Variants in PRKAG2 observed in about 807,000 individuals in gnomAD.
PRKAG2 encodes the protein 5'-AMP-activated protein kinase subunit gamma-2.
In PRKAG2, 26 loss-of-function variants were observed where a neutral mutation model predicts 69.6. The ratio of observed to expected loss-of-function variants is 0.37; its 90% CI spans 0.27 to 0.52. The LOEUF (loss-of-function observed/expected upper bound fraction) is 0.52. PRKAG2 is among the 20% of genes least tolerant of loss of function. PRKAG2 has a pLI of 0.90. For synonymous variants in PRKAG2, 293 were observed against 285.0 expected (o/e 1.03, Z -0.28); for missense variants, 557 against 740.0 (o/e 0.75, Z 2.87).
chr7:151,799,707 G>A (rs1461390231), intron 1 of PRKAG2, among the ~76,000 whole-genome samples: 8 of 152,182 alleles, frequency 5.3e-5, no homozygotes, highest in South Asian at 2.1e-4. Flanking sequence ...AGATGCCACC[G>A]GCCAGCATCT....
intron 4 of PRKAG2, among the ~76,000 whole-genome samples, chr7:151,656,736 ATGT>A (rs1367608132): frequency 6.6e-6 from 1 of 152,170 alleles, no homozygotes; most frequent in African/African-American, 2.4e-5. Flanking sequence ...TTCTCTTTTG[ATGT>A]TGTTGTTTCC....
chr7:151,856,734 C>T (rs778458997), intron 1 of PRKAG2, among the ~76,000 whole-genome samples: 3 of 152,154 alleles, frequency 2.0e-5, no homozygotes, highest in Non-Finnish European at 4.4e-5. Flanking sequence ...CACACGGTCA[C>T]GGCGTCCCCA....
chr7:151,804,958 A>G (rs371108854), intron 1 of PRKAG2, among the ~76,000 whole-genome samples: 78 of 152,288 alleles, frequency 5.1e-4, no homozygotes, highest in African/African-American at 1.7e-3. Context: ...CAAAGTCTGA[A>G]AGCCGCTGCG....
At chr7:151,681,045 T>C (rs1833810758) in intron 3 of PRKAG2, among the ~76,000 whole-genome samples, 1 of 152,018 alleles carries the variant, frequency 6.6e-6, no homozygotes, top group African/African-American at 2.4e-5. Context: ...ACCAAGCCCC[T>C]CCCCACCCCC....
chr7:151,875,967 A>T (rs1395670599), intron 1 of PRKAG2, among the ~76,000 whole-genome samples: 3 of 151,890 alleles, frequency 2.0e-5, no homozygotes, highest in Non-Finnish European at 4.4e-5. Context: ...CTCCAGGCCC[A>T]GAAACGCCCG....
intron 6 of PRKAG2, among the ~76,000 whole-genome samples, chr7:151,586,299 A>G (rs1811649302): frequency 1.3e-5 from 2 of 150,374 alleles, no homozygotes; most frequent in Admixed American, 1.3e-4. Context: ...TCTACGCAAC[A>G]GCCACAAAAG....
intron 3 of PRKAG2, among the ~76,000 whole-genome samples, chr7:151,731,068 C>T (rs1208839820): frequency 2.6e-5 from 4 of 152,194 alleles, no homozygotes; most frequent in African/African-American, 9.7e-5. Context: ...TTAATTACTG[C>T]CCTGTAATTG....
rs148202255 is a variant in PRKAG2 at position 151,743,789 on chromosome 7, G to A, written c.466+37363C>T. Among the ~76,000 whole-genome samples, 1,430 of 152,284 alleles carry A rather than the reference G, an allele frequency of 9.4e-3. 25 individuals are homozygous for A. The highest frequency in any genetic ancestry group is 0.033 in the African/African-American group (1,354 of 41,554). On this transcript the variant is annotated intron_variant, in intron 3 of 15. Coordinates refer to ENST00000287878, the MANE Select transcript of PRKAG2 (RefSeq NM_016203.4). ...GCAGCATGTCCTGTTCCTGGAGGAC[G>A]CTTTTGTGGCTGTTCTGGAGCCAGG...
chr7:151,755,366 G>A (rs886825433), intron 3 of PRKAG2, among the ~76,000 whole-genome samples: 1 of 152,140 alleles, frequency 6.6e-6, no homozygotes, highest in African/African-American at 2.4e-5. Flanking sequence ...GTTTCAGGCA[G>A]AGGGCCTAGG....
intron 5 of PRKAG2, among the ~76,000 whole-genome samples, chr7:151,595,960 AG>A (rs1814400530): frequency 6.6e-6 from 1 of 152,172 alleles, no homozygotes; most frequent in Non-Finnish European, 1.5e-5. Context: ...ACTTGAGCCC[AG>A]GAGTTCGAGA....
chr7:151,738,550 C>T (rs1319967899), intron 3 of PRKAG2, among the ~76,000 whole-genome samples: 1 of 152,284 alleles, frequency 6.6e-6, no homozygotes, highest in East Asian at 1.9e-4. Context: ...CTGGCCTGCC[C>T]AGGGCGGAAA....
In PRKAG2 at chr7:151,814,634, C is replaced by T; in HGVS notation, c.115-28093G>A. 1.6e-6 allele frequency: 2 copies of T among 1,231,824 alleles called. No individual in the cohort carries two copies. Among genetic ancestry groups the T allele is most frequent in the Non-Finnish European group, 2.0e-6 (2 of 988,018 alleles). 76.3% of individuals were successfully genotyped at this position (1,231,824 alleles called of 1,614,324 possible). ...GTTCGGCTGTGCTCCGAGCTGCTGC[C>T]ACTGCATGTCTGCAACAGATGGGGA... On this transcript the variant is annotated intron_variant, in intron 1 of 15. Coordinates refer to ENST00000287878, the MANE Select transcript of PRKAG2 (RefSeq NM_016203.4). This position sits in a 1 kb window ranked among gnomAD's most constrained non-coding sequence, Gnocchi z 4.8.
chr7:151,797,567 A>G lies in PRKAG2; in HGVS notation c.115-11026T>C, dbSNP rs115826865. The stretch of plus-strand genomic sequence containing the variant: ...AGTGCTTCCAGAATCTCAACTGTCC[A>G]TATTTACAGAGCCATACATCAAAAG... On this transcript the variant is annotated intron_variant, in intron 1 of 15. Transcript: ENST00000287878. 5.1e-3 allele frequency among the ~76,000 whole-genome samples: 779 copies of G among 152,300 alleles called. 2 individuals are homozygous for G. Among genetic ancestry groups the G allele is most frequent in the African/African-American group, 0.017 (708 of 41,556 alleles).
intron 3 of PRKAG2, among the ~76,000 whole-genome samples, chr7:151,751,607 G>C (rs2074697467): frequency 6.6e-6 from 1 of 152,126 alleles, no homozygotes; most frequent in Non-Finnish European, 1.5e-5. Context: ...CTGGGCTCAA[G>C]TGATCATCCT....
chr7:151,829,813 G>T (rs2078983468), intron 1 of PRKAG2, among the ~76,000 whole-genome samples: 1 of 151,946 alleles, frequency 6.6e-6, no homozygotes, highest in Admixed American at 6.6e-5. Context: ...TGCAGCGGGG[G>T]AGGGCATAAG....
rs1162673514 is a variant in PRKAG2, at chr7:151,638,105, G to A, written c.685-5967C>T. On this transcript the variant is annotated intron_variant, in intron 4 of 15. Transcript: ENST00000287878. The surrounding 1 kb of genome is among the most constrained non-coding windows in gnomAD (Gnocchi z 4.3). ...CCAAACCCTCCTGATAATCCAGACCGATCTCCCCAGGGAGAACAAAATGGG... is the reference window on the plus strand; with the variant it reads ...CCAAACCCTCCTGATAATCCAGACCAATCTCCCCAGGGAGAACAAAATGGG... Among the ~76,000 whole-genome samples, 2 of 151,672 alleles carry A rather than the reference G, an allele frequency of 1.3e-5. No individual in the cohort carries two copies. The highest frequency in any genetic ancestry group is 6.6e-5 in the Admixed American group (1 of 15,264).
chr7:151,685,534 C>A (rs1834586355), intron 3 of PRKAG2, among the ~76,000 whole-genome samples: 2 of 152,028 alleles, frequency 1.3e-5, no homozygotes, highest in Non-Finnish European at 2.9e-5. Flanking sequence ...CTTTGGGAGG[C>A]CGAGAAGGGA....
At position 151,742,484 on chromosome 7, in the gene PRKAG2, C is replaced by T. The variant is rs538515864; in HGVS notation, c.466+38668G>A. Among the ~76,000 whole-genome samples the T allele has an allele frequency of 2.5e-4, 38 of 152,038 alleles. No homozygotes were observed. In the East Asian group the frequency reaches 4.5e-3, roughly 18 times the overall value. On this transcript the variant is annotated intron_variant, in intron 3 of 15. Coordinates refer to ENST00000287878, the MANE Select transcript of PRKAG2 (RefSeq NM_016203.4). ...ACCAAAAATACAAAAATTAGCTGGG[C>T]GTGATGGTGCGCACCTGTAGTCCCC...
intron 3 of PRKAG2, among the ~76,000 whole-genome samples, chr7:151,739,438 C>CTTTATTTATTTATTTA (rs58335250): frequency 2.1e-4 from 31 of 147,448 alleles, no homozygotes; most frequent in African/African-American, 6.5e-4. Context: ...ATGACCCAGC[C>CTTTATTTATTTATTTA]TTTATTTATT....
Sources: gnomAD v4.1 joint callset for allele counts (sites outside exome capture counted in the v4.1 genomes callset) on GRCh38, gnomAD v4.1.1 for gene constraint, Gnocchi (gnomAD v3.1) non-coding constraint, MANE v1.5 for transcripts, NCBI Gene and HGNC (gene_info 2026-07-23, HGNC 2026-07-21) for gene names.